FOXN3: variants seen among roughly 807,000 people sequenced by gnomAD.
FOXN3 encodes the protein forkhead box protein N3.
FOXN3 carries 7 observed loss-of-function variants against 38.4 expected under a neutral mutation model. The observed-to-expected ratio is 0.18, with a 90% confidence interval of 0.10 to 0.34. The LOEUF is 0.34. Ranked by LOEUF, FOXN3 falls within the 10% of genes least tolerant of loss-of-function variation. FOXN3 has a pLI of 1.00. For missense variants in FOXN3, 456 were observed against 613.4 expected (o/e 0.74, Z 2.71); for synonymous variants, 230 against 242.2 (o/e 0.95, Z 0.47).
chr14:89,532,994 G>A (rs1339468324), intron 1 of FOXN3, among the ~76,000 whole-genome samples: 1 of 152,132 alleles, frequency 6.6e-6, no homozygotes, highest in Non-Finnish European at 1.5e-5. Flanking sequence ...AACAAAAATG[G>A]GAAGAAATTG....
chr14:89,611,772 CT>C (rs1329551657), intron 1 of FOXN3, among the ~76,000 whole-genome samples: 1 of 144,206 alleles, frequency 6.9e-6, no homozygotes, highest in East Asian at 2.0e-4. Flanking sequence ...TGCCACTGCA[CT>C]CCAGCCTGGG....
intron 4 of FOXN3, among the ~76,000 whole-genome samples, chr14:89,229,436 GGT>G (rs1884738683): frequency 6.6e-6 from 1 of 152,138 alleles, no homozygotes; most frequent in African/African-American, 2.4e-5. Flanking sequence ...CTTCTATCTT[GGT>G]GGCTGTGGGA....
intron 1 of FOXN3, among the ~76,000 whole-genome samples, chr14:89,608,890 C>G (rs548626321): frequency 1.1e-4 from 17 of 152,266 alleles, no homozygotes; most frequent in African/African-American, 4.1e-4. Flanking sequence ...TTTCTCTTGA[C>G]GATCAATGGG....
rs183906121 is a variant in FOXN3, at chr14:89,295,496, T to C, written c.681-14482A>G. Among the ~76,000 whole-genome samples the C allele has an allele frequency of 1.8e-4, 27 of 152,318 alleles. No homozygotes were observed. The East Asian group carries it at 4.2e-3, about 24-fold the overall frequency. On this transcript the variant is annotated intron_variant, in intron 3 of 5. Coordinates refer to ENST00000557258, the MANE Select transcript of FOXN3 (RefSeq NM_005197.4). The stretch of plus-strand genomic sequence containing the variant: ...CAGGTTCACAGCACACGGAAGATGG[T>C]TGTCATTATTCTAAGTGATTCTGAA...
intron 2 of FOXN3, among the ~76,000 whole-genome samples, chr14:89,356,756 C>T (rs576323415): frequency 6.6e-6 from 1 of 152,244 alleles, no homozygotes. Context: ...GAAGGGTCCA[C>T]TTGTGAATAC....
At chr14:89,424,377 G>A (rs1596267296) in intron 1 of FOXN3, among the ~76,000 whole-genome samples, 1 of 152,096 alleles carries the variant, frequency 6.6e-6, no homozygotes, top group Admixed American at 6.5e-5. Flanking sequence ...CAATCAGGAG[G>A]GACAAAACGA....
chr14:89,423,596 TAAG>T (rs984531117), intron 1 of FOXN3, among the ~76,000 whole-genome samples: 4 of 151,968 alleles, frequency 2.6e-5, no homozygotes, highest in African/African-American at 9.7e-5. Flanking sequence ...ATCACTCTAA[TAAG>T]AAAAGGGGCA....
rs146495173 is a variant in FOXN3, at chr14:89,507,791, G to GAAA, written c.-14-95304_-14-95302dup. 2.9e-3 allele frequency among the ~76,000 whole-genome samples: 395 copies of GAAA among 136,722 alleles called. 1 individual carries two copies. Among genetic ancestry groups the GAAA allele is most frequent in the African/African-American group, 7.8e-3 (305 of 39,102 alleles). The allele number at this position is 136,722 out of a possible 152,430, so 89.7% of individuals were successfully genotyped here. A position where few individuals can be genotyped will look rare whatever the true frequency, so the allele number is the denominator to read the frequency against. The stretch of plus-strand genomic sequence containing the variant: ...GACAATTTCACACTCATTAAAAAAA[G>GAAA]AAAAAAAAAAGGCACACTAGTATGT... On this transcript the variant is annotated intron_variant, in intron 1 of 6. Transcript: ENST00000345097.
intron 1 of FOXN3, among the ~76,000 whole-genome samples, chr14:89,456,004 A>G (rs781223821): frequency 1.3e-5 from 2 of 151,442 alleles, no homozygotes; most frequent in Non-Finnish European, 2.9e-5. Context: ...GACCAGCCTG[A>G]CCAACATAGT....
intron 1 of FOXN3, among the ~76,000 whole-genome samples, chr14:89,598,826 C>T (rs1896105998): frequency 6.6e-6 from 1 of 152,042 alleles, no homozygotes; most frequent in Non-Finnish European, 1.5e-5. Context: ...TAAATGTTAC[C>T]ATGTTGTCCC....
chr14:89,365,646 C>T (rs918572431), intron 2 of FOXN3, among the ~76,000 whole-genome samples: 6 of 152,130 alleles, frequency 3.9e-5, no homozygotes, highest in Non-Finnish European at 7.4e-5. Flanking sequence ...GAAACCTCAT[C>T]GCATGACATA....
chr14:89,336,662 C>T (rs1566960131), intron 3 of FOXN3, among the ~76,000 whole-genome samples: 1 of 152,086 alleles, frequency 6.6e-6, no homozygotes, highest in Non-Finnish European at 1.5e-5. Flanking sequence ...CAGTAGGTGC[C>T]CAATAAATGC....
At chr14:89,558,614 T>C (rs2139875095) in intron 1 of FOXN3, among the ~76,000 whole-genome samples, 1 of 152,262 alleles carries the variant, frequency 6.6e-6, no homozygotes, top group South Asian at 2.1e-4. Flanking sequence ...CTGGACTAGG[T>C]GATGAGGATT....
chr14:89,580,333 G>T (rs1034459441), intron 1 of FOXN3, among the ~76,000 whole-genome samples: 3 of 152,164 alleles, frequency 2.0e-5, no homozygotes, highest in Non-Finnish European at 4.4e-5. Flanking sequence ...TCAGAGGATG[G>T]TTTTCCAGGT....
chr14:89,471,634 T>C (rs529620039), intron 1 of FOXN3, among the ~76,000 whole-genome samples: 1 of 152,304 alleles, frequency 6.6e-6, no homozygotes, highest in African/African-American at 2.4e-5. Context: ...GCTAGGTCTC[T>C]GGAGTTCTAT....
intron 3 of FOXN3, among the ~76,000 whole-genome samples, chr14:89,295,761 C>CCTTTTTTTTTT (rs1313054403): frequency 7.5e-6 from 1 of 132,736 alleles, no homozygotes; most frequent in Non-Finnish European, 1.7e-5. Flanking sequence ...CTAATTTTTG[C>CCTTTTTTTTTT]ATTTTTTTTT....
intron 3 of FOXN3, among the ~76,000 whole-genome samples, chr14:89,285,952 C>T (rs955029907): frequency 6.6e-6 from 1 of 151,516 alleles, no homozygotes; most frequent in Non-Finnish European, 1.5e-5. Context: ...CCGCAGCCTC[C>T]AGCTCCTGGA....
At chr14:89,268,165 T>C (rs1886041506) in intron 4 of FOXN3, among the ~76,000 whole-genome samples, 1 of 152,234 alleles carries the variant, frequency 6.6e-6, no homozygotes, top group Non-Finnish European at 1.5e-5. Context: ...TTTCTTCATC[T>C]GTAAGATCAG....
chr14:89,510,727 A>G (rs1445654275), intron 1 of FOXN3, among the ~76,000 whole-genome samples: 2 of 152,156 alleles, frequency 1.3e-5, no homozygotes, highest in East Asian at 3.9e-4. Context: ...AGATCACTTG[A>G]GGTCAAGAGT....
Sources: gnomAD v4.1 joint callset for allele counts (sites outside exome capture counted in the v4.1 genomes callset) on GRCh38, gnomAD v4.1.1 for gene constraint, MANE v1.5 for transcripts, NCBI Gene and HGNC (gene_info 2026-07-23, HGNC 2026-07-21) for gene names.